Variants in GPR158 observed in about 807,000 individuals in gnomAD.
GPR158 encodes the protein metabotropic glycine receptor.
GPR158 carries 30 observed loss-of-function variants against 78.2 expected under a neutral mutation model. The observed-to-expected ratio is 0.38, with a 90% CI of 0.29 to 0.52. GPR158 has a LOEUF of 0.52. GPR158 is among the 20% of genes least tolerant of loss of function. The pLI is 0.83. For synonymous variants in GPR158, 581 were observed against 591.1 expected (o/e 0.98, Z 0.25); for missense variants, 1,463 against 1,523.5 (o/e 0.96, Z 0.66).
At chr10:25,365,420 G>T (rs1293718327) in intron 2 of GPR158, among the ~76,000 whole-genome samples, 1 of 151,610 alleles carries the variant, frequency 6.6e-6, no homozygotes, top group Admixed American at 6.6e-5. Flanking sequence ...TTGCTAATTA[G>T]TATTGAAAAA....
At chr10:25,478,080 A>G (rs1742133747) in intron 5 of GPR158, among the ~76,000 whole-genome samples, 1 of 152,200 alleles carries the variant, frequency 6.6e-6, no homozygotes. Context: ...AAGGCATGGA[A>G]GCTGCCCAGT....
intron 2 of GPR158, among the ~76,000 whole-genome samples, chr10:25,241,295 T>TTTCC (rs1564399620): frequency 9.9e-6 from 1 of 101,226 alleles, no homozygotes; most frequent in African/African-American, 4.2e-5. Context: ...TTTTCTTTTC[T>TTTCC]TTTCTTTTCT....
intron 2 of GPR158, among the ~76,000 whole-genome samples, chr10:25,319,825 C>CA (rs995435815): frequency 1.4e-5 from 2 of 139,604 alleles, no homozygotes; most frequent in Non-Finnish European, 3.0e-5. Context: ...ACACCCCACC[C>CA]CCCCCAAAAA....
intron 2 of GPR158, among the ~76,000 whole-genome samples, chr10:25,252,915 C>T (rs1041529938): frequency 1.1e-4 from 17 of 151,976 alleles, no homozygotes; most frequent in Admixed American, 4.6e-4. Flanking sequence ...CCCCCAGCCT[C>T]GCTGCCGCCT....
At position 25,599,123 on chromosome 10, in the gene GPR158, C is replaced by A. The variant is rs764216516; in HGVS notation, c.3497C>A (p.Thr1166Lys). The A allele has an allele frequency of 1.2e-6, 2 of 1,611,688 alleles. No homozygotes were observed. Among genetic ancestry groups the A allele is most frequent in the Non-Finnish European group, 1.7e-6 (2 of 1,180,000 alleles). ...AGTAATAACTTCCAGCAACCTTTAA[C>A]ATCACGAGCAGAGGTTTGTCCTTGG... ...NSSNNFQQPL[T>K]SRAEVCPWEF... is the part of the protein sequence containing the mutation. Residue 1166 changes from threonine (T) to lysine (K), a missense_variant, in exon 11 of 11, where the codon ACA becomes AAA. Transcript: ENST00000376351.
chr10:25,239,385 G>A (rs540456415), intron 2 of GPR158, among the ~76,000 whole-genome samples: 2 of 151,912 alleles, frequency 1.3e-5, no homozygotes, highest in Non-Finnish European at 2.9e-5. Flanking sequence ...CAGATCTCCT[G>A]AGAGATCTCC....
chr10:25,315,748 G>C (rs988920122), intron 2 of GPR158, among the ~76,000 whole-genome samples: 6 of 149,412 alleles, frequency 4.0e-5, no homozygotes. Context: ...AGTTAGGAAG[G>C]CTTAATTTTT....
At chr10:25,335,613 C>T (rs1358554189) in intron 2 of GPR158, among the ~76,000 whole-genome samples, 1 of 151,966 alleles carries the variant, frequency 6.6e-6, no homozygotes, top group Admixed American at 6.6e-5. Flanking sequence ...CCTTCCTCTC[C>T]CTACCCAGAG....
intron 2 of GPR158, among the ~76,000 whole-genome samples, chr10:25,316,390 G>T (rs1210568746): frequency 6.6e-6 from 1 of 152,074 alleles, no homozygotes. Flanking sequence ...TCAGTCCAAA[G>T]AACTTAATAA....
intron 2 of GPR158, among the ~76,000 whole-genome samples, chr10:25,249,781 G>T (rs1271961901): frequency 6.6e-6 from 1 of 151,866 alleles, no homozygotes; most frequent in Non-Finnish European, 1.5e-5. Context: ...CTCTTTTTTT[G>T]TTCTGTCTCT....
intron 2 of GPR158, among the ~76,000 whole-genome samples, chr10:25,242,135 G>A (rs1336984338): frequency 6.6e-6 from 1 of 152,182 alleles, no homozygotes; most frequent in African/African-American, 2.4e-5. Flanking sequence ...AACCCAAAGG[G>A]GAGGCAGCAG....
intron 4 of GPR158, among the ~76,000 whole-genome samples, chr10:25,442,940 C>G (rs1835087924): frequency 6.6e-6 from 1 of 152,144 alleles, no homozygotes; most frequent in Non-Finnish European, 1.5e-5. Context: ...ATTTTAATAC[C>G]AGTGCCTTCT....
chr10:25,388,080 T>C (rs953469621), intron 2 of GPR158, among the ~76,000 whole-genome samples: 2 of 152,250 alleles, frequency 1.3e-5, no homozygotes, highest in Non-Finnish European at 2.9e-5. Context: ...TCTGGTCTGC[T>C]CCTAGGAACC....
In GPR158 at chr10:25,483,144, C is replaced by T. The variant is rs1319376983; in HGVS notation, c.1404+16425C>T. On this transcript the variant is annotated intron_variant, in intron 5 of 10. Coordinates refer to ENST00000376351, the MANE Select transcript of GPR158 (RefSeq NM_020752.3). The stretch of plus-strand genomic sequence containing the variant: ...TATTTTCAACACAGTAGCAAGAAAT[C>T]CTTTTCTAAACTTAAGTCAGGTAGT... 1.3e-5 allele frequency among the ~76,000 whole-genome samples: 2 copies of T among 152,074 alleles called. 1 individual carries two copies. The highest frequency in any genetic ancestry group is 6.8e-3 in the Middle Eastern group (2 of 294).
chr10:25,359,800 T>TGG (rs1176163664), intron 2 of GPR158, among the ~76,000 whole-genome samples: 3 of 152,228 alleles, frequency 2.0e-5, no homozygotes, highest in East Asian at 3.8e-4. Context: ...CTGGGTCAAA[T>TGG]GGTATTTCTG....
At position 25,290,739 on chromosome 10, in the gene GPR158, T is replaced by C. The variant is rs146738075; in HGVS notation, c.1008+69582T>C. ...TTTCTTATATTTATGTATATTACTA[T>C]GTATCTTCCTTCTTTGAACCTAAGT... On this transcript the variant is annotated intron_variant, in intron 2 of 10. Coordinates refer to ENST00000376351, the MANE Select transcript of GPR158 (RefSeq NM_020752.3). Among the ~76,000 whole-genome samples the C allele has an allele frequency of 4.1e-3, 618 of 152,252 alleles. 4 individuals are homozygous for C. Among genetic ancestry groups the C allele is most frequent in the African/African-American group, 0.014 (595 of 41,578 alleles).
chr10:25,186,739 T>C (rs1852692867), intron 1 of GPR158, among the ~76,000 whole-genome samples: 1 of 152,008 alleles, frequency 6.6e-6, no homozygotes, highest in Non-Finnish European at 1.5e-5. Context: ...TAATAGCCTA[T>C]CAACCAAAAA....
rs533737469 is a variant in GPR158 at position 25,601,636 on chromosome 10, T to A, written c.*2362T>A. On this transcript the variant is annotated 3_prime_UTR_variant, in exon 11 of 11. Transcript: ENST00000376351. ...CTCCACCAGCATAAATCAGTGAGAG[T>A]GCCTAGAGTCTTTCTGAGAGTTTCA... 2.6e-5 allele frequency: 4 copies of A among 152,588 alleles called. 1 individual carries two copies. The highest frequency in any genetic ancestry group is 5.9e-5 in the Non-Finnish European group (4 of 68,034). The allele number at this position is 152,588 out of a possible 1,614,324, so 9.5% of individuals were successfully genotyped here.
chr10:25,395,835 A>G (rs1314719712), intron 2 of GPR158, 76 bp from the exon 3 acceptor site: 13 of 604,082 alleles, frequency 2.2e-5, no homozygotes, highest in East Asian at 1.8e-4. Flanking sequence ...ACCATTTGCA[A>G]TGATGGATAT....
Sources: gnomAD v4.1 joint callset for allele counts (sites outside exome capture counted in the v4.1 genomes callset) on GRCh38, gnomAD v4.1.1 for gene constraint, MANE v1.5 for transcripts, NCBI Gene and HGNC (gene_info 2026-07-23, HGNC 2026-07-21) for gene names.